Variants in PLRG1 observed in about 807,000 individuals in gnomAD.
PLRG1 encodes pleiotropic regulator 1.
Under a neutral mutation model 74.9 loss-of-function variants are expected in PLRG1, and 28 were observed. The ratio of observed to expected loss-of-function variants is 0.37; its 90% CI spans 0.28 to 0.51. The LOEUF (loss-of-function observed/expected upper bound fraction) is 0.51, where lower values mean the gene tolerates loss of function less well. PLRG1 is among the 20% of genes least tolerant of loss of function. PLRG1 has a pLI of 0.91. For synonymous variants in PLRG1, 197 were observed against 212.4 expected, an observed-to-expected ratio of 0.93 and a Z score of 0.63; for missense variants, 445 against 631.9, an observed-to-expected ratio of 0.70 and a Z score of 3.17.
intron 5 of PLRG1, 35 bp from the exon 6 acceptor site, chr4:154,545,958 A>G: frequency 7.2e-7 from 1 of 1,383,712 alleles, no homozygotes; most frequent in Non-Finnish European, 1.0e-6. Context: ...CAAAGTAATT[A>G]ATGCCTCCAG....
intron 13 of PLRG1, among the ~76,000 whole-genome samples, chr4:154,537,714 C>G (rs1271539339): frequency 6.6e-6 from 1 of 151,986 alleles, no homozygotes; most frequent in African/African-American, 2.4e-5. Flanking sequence ...GAATAATAAA[C>G]AAAATTTTAA....
chr4:154,544,349 A>G (rs746723549), intron 7 of PLRG1, 96 bp downstream of exon 7: 1 of 747,806 alleles, frequency 1.3e-6, no homozygotes, highest in Non-Finnish European at 2.4e-6. Context: ...CCAGCTTTTC[A>G]TATTCACTCT....
intron 1 of PLRG1, among the ~76,000 whole-genome samples, chr4:154,550,043 C>T (rs1210430153): frequency 6.6e-6 from 1 of 152,234 alleles, no homozygotes; most frequent in East Asian, 1.9e-4. Context: ...GGACACTTTC[C>T]AGCTCCCAAG....
Position 154,540,889 on chromosome 4 carries a change from G to T in PLRG1, c.733C>A (p.His245Asn). The T allele has an allele frequency of 6.2e-7, 1 of 1,610,122 alleles. No individual in the cohort carries two copies. The highest frequency in any genetic ancestry group is 8.5e-7 in the Non-Finnish European group (1 of 1,177,834). ...ATCACGCCCCGCACAGTACTAATATGCCCAGTCAATGACAGTTTTAATTTG... is the reference window on the plus strand; with the variant it reads ...ATCACGCCCCGCACAGTACTAATATTCCCAGTCAATGACAGTTTTAATTTG... The part of the protein sequence containing the change: ...SGKLKLSLTG[H>N]ISTVRGVIVS... Residue 245 changes from histidine to asparagine, a missense_variant, in exon 9 of 15, where the codon CAT (histidine) becomes AAT (asparagine). Around this residue, in one of 3 missense-constraint regions of PLRG1, gnomAD observed 221 missense variants for 377.7 expected, o/e 0.59. Transcript: ENST00000499023.
At chr4:154,538,247 T>C (rs1019955874) in intron 12 of PLRG1, 139 bp from the exon 13 acceptor site, 1 of 445,196 alleles carries the variant, frequency 2.2e-6, no homozygotes, top group Non-Finnish European at 4.1e-6. Context: ...CGTATCAAAA[T>C]GTAAAAATAT....
rs765530112 is a variant in PLRG1 at position 154,547,028 on chromosome 4, G to A, written c.296C>T (p.Pro99Leu). The change falls in exon 4 of 15, where the codon CCA becomes CTA. Residue 99 changes from proline (P) to leucine (L), a missense_variant. Coordinates refer to ENST00000499023, the MANE Select transcript of PLRG1 (RefSeq NM_002669.4). ...EVEYFVAGTH[P>L]YPPGPGVALT... Reference sequence around the variant, plus strand: ...TCACTAACCAGGTCCTGGTGGGTATGGATGTGTACCTGCCACAAAGTATTC... The same window carrying A: ...TCACTAACCAGGTCCTGGTGGGTATAGATGTGTACCTGCCACAAAGTATTC... 3.7e-6 allele frequency: 6 copies of A among 1,611,320 alleles called. No homozygotes were observed. The Admixed American group carries it at 8.3e-5, about 22-fold the overall frequency.
intron 4 of PLRG1, among the ~76,000 whole-genome samples, 179 bp from the exon 5 acceptor site, chr4:154,546,392 TTAA>T (rs1729656121): frequency 6.6e-6 from 1 of 152,228 alleles, no homozygotes; most frequent in African/African-American, 2.4e-5. Flanking sequence ...TAAATACTGC[TTAA>T]TAACACGTAA....
intron 8 of PLRG1, among the ~76,000 whole-genome samples, chr4:154,541,783 G>C (rs1729559390): frequency 6.6e-6 from 1 of 152,094 alleles, no homozygotes; most frequent in Non-Finnish European, 1.5e-5. Context: ...TAGAAGTGAA[G>C]GTATTGATAC....
chr4:154,536,651 GA>G lies in PLRG1; in HGVS notation c.*33del, dbSNP rs753554475. 8.3e-5 allele frequency: 88 copies of G among 1,055,126 alleles called. No homozygotes were observed. Among genetic ancestry groups the G allele is most frequent in the Admixed American group, 1.2e-4 (5 of 43,124 alleles). The allele number at this position is 1,055,126 out of a possible 1,614,324, so 65.4% of individuals were successfully genotyped here. A position where few individuals can be genotyped will look rare whatever the true frequency, so the allele number is the denominator to read the frequency against. On this transcript the variant is annotated 3_prime_UTR_variant, in exon 15 of 15. Transcript: ENST00000499023. The stretch of plus-strand genomic sequence containing the variant: ...AAGCTTTTTTTTTTTTAATTAAAAA[GA>G]AAAAAAAAGAGAGAGAAAAAATTCC...
rs1729444649 is a variant in PLRG1, at chr4:154,536,137, A to C, written c.*548T>G. 1 of 153,020 alleles carries C rather than the reference A, an allele frequency of 6.5e-6. No individual in the cohort carries two copies. The highest frequency in any genetic ancestry group is 1.5e-5 in the Non-Finnish European group (1 of 68,764). 9.5% of individuals were successfully genotyped at this position (153,020 alleles called of 1,614,324 possible). ...CCTCTGTTACAGAATTTCTATACTA[A>C]GCTACCAAACTGGAAGTCTTAGAGG... On this transcript the variant is annotated 3_prime_UTR_variant, in exon 15 of 15. Coordinates refer to ENST00000499023, the MANE Select transcript of PLRG1 (RefSeq NM_002669.4).
At chr4:154,547,169 A>G in intron 3 of PLRG1, 105 bp from the exon 4 acceptor site, 1 of 838,196 alleles carries the variant, frequency 1.2e-6, no homozygotes, top group Non-Finnish European at 2.0e-6. Flanking sequence ...TGGATCTATC[A>G]AATTTTCTCA....
Position 154,536,438 on chromosome 4 carries a change from A to C in PLRG1, c.*247T>G. 3 of 385,688 alleles carry C rather than the reference A, an allele frequency of 7.8e-6. No homozygotes were observed. The highest frequency in any genetic ancestry group is 1.4e-5 in the Non-Finnish European group (3 of 218,432). The allele number at this position is 385,688 out of a possible 1,614,324, so 23.9% of individuals were successfully genotyped here. ...ATTACATCTAGAATAGTTATGTTCA[A>C]TAAACCTGCATTTACTTGATATCTG... On this transcript the variant is annotated 3_prime_UTR_variant, in exon 15 of 15. Coordinates refer to ENST00000499023, the MANE Select transcript of PLRG1 (RefSeq NM_002669.4).
intron 8 of PLRG1, 86 bp from the exon 9 acceptor site, chr4:154,541,020 C>A: frequency 3.0e-6 from 3 of 1,005,642 alleles, no homozygotes; most frequent in South Asian, 2.7e-5. Context: ...ACTGAGCTTT[C>A]AAAGACAAAA....
chr4:154,545,234 T>C (rs190525917), intron 6 of PLRG1, among the ~76,000 whole-genome samples: 61 of 152,306 alleles, frequency 4.0e-4, no homozygotes, highest in Non-Finnish European at 8.1e-4. Flanking sequence ...CAGTTACACA[T>C]TCATTCACTT....
chr4:154,544,221 C>T (rs973845948), intron 7 of PLRG1, among the ~76,000 whole-genome samples: 2 of 152,244 alleles, frequency 1.3e-5, no homozygotes, highest in African/African-American at 4.8e-5. Flanking sequence ...GTAGCTTTAT[C>T]TTGACATTTC....
At chr4:154,544,411 G>A (rs747462528) in intron 7 of PLRG1, 34 bp downstream of exon 7, 2 of 1,133,554 alleles carry the variant, frequency 1.8e-6, no homozygotes, top group South Asian at 2.5e-5. Flanking sequence ...AGCAATCATG[G>A]TTCACATAAT....
intron 3 of PLRG1, among the ~76,000 whole-genome samples, chr4:154,547,274 T>A (rs1729675799): frequency 6.6e-6 from 1 of 152,204 alleles, no homozygotes; most frequent in Non-Finnish European, 1.5e-5. Context: ...AGCAATGGTA[T>A]ACAAAGAAGC....
rs546426719 is a variant in PLRG1, at chr4:154,541,109, G to C, written c.688-175C>G. 2.6e-5 allele frequency among the ~76,000 whole-genome samples: 4 copies of C among 152,144 alleles called. No individual in the cohort carries two copies. In the South Asian group the frequency reaches 8.3e-4, roughly 32 times the overall value. ...CCAAATAAAAGCAAGAAAAAAACTG[G>C]CATGCTCAAACTGGAAAAATATTTG... On this transcript the variant is annotated intron_variant, in intron 8 of 14. Coordinates refer to ENST00000499023, the MANE Select transcript of PLRG1 (RefSeq NM_002669.4).
In PLRG1 at chr4:154,540,842, A is replaced by G. The variant is rs34672135; in HGVS notation, c.780T>C (p.Tyr260=). Reference sequence around the variant, plus strand: ...GTTTGTCTTCTCCACAAGAGAACAGATATGGGCTCCTTGTGCTTACTATCA... The same window carrying G: ...GTTTGTCTTCTCCACAAGAGAACAGGTATGGGCTCCTTGTGCTTACTATCA... ...RGVIVSTRSP[Y]LFSCGEDKQV... The change falls in exon 9 of 15, where the codon TAT becomes TAC. Residue 260 remains tyrosine (Y), a synonymous_variant. Transcript: ENST00000499023. 5.2e-3 allele frequency: 8,450 copies of G among 1,613,346 alleles called. 296 individuals carry two copies. The African/African-American group carries it at 0.09, about 17-fold the overall frequency.
Sources: gnomAD v4.1 joint callset for allele counts (sites outside exome capture counted in the v4.1 genomes callset) on GRCh38, gnomAD v4.1.1 for gene constraint, gnomAD v4.1.1 regional missense constraint, MANE v1.5 for transcripts, NCBI Gene and HGNC (gene_info 2026-07-23, HGNC 2026-07-21) for gene names.